The following TRA2A variants were observed in gnomAD, a reference collection of about 807,000 sequenced individuals.
TRA2A encodes transformer 2 alpha homolog.
A neutral mutation model predicts 45.7 loss-of-function variants in TRA2A; 31 were observed. The ratio of observed to expected loss-of-function variants is 0.68; its 90% CI spans 0.51 to 0.92. The LOEUF is 0.92. TRA2A is among the 40% of genes least tolerant of loss of function. The pLI, the probability that TRA2A is intolerant of heterozygous loss-of-function variation, is 0.00. For missense variants in TRA2A, 304 were observed against 367.5 expected, an observed-to-expected ratio of 0.83 and a Z score of 1.41; for synonymous variants, 132 against 126.2, an observed-to-expected ratio of 1.05 and a Z score of -0.31.
At chr7:23,519,534 C>A (rs1005865271) in intron 2 of TRA2A, among the ~76,000 whole-genome samples, 4 of 152,014 alleles carry the variant, frequency 2.6e-5, no homozygotes, top group African/African-American at 9.7e-5. Context: ...CCAGCCTGGG[C>A]AAGAGAGCAA....
chr7:23,526,690 C>T (rs115585736), intron 1 of TRA2A, among the ~76,000 whole-genome samples: 277 of 152,152 alleles, frequency 1.8e-3, no homozygotes, highest in Middle Eastern at 6.8e-3. Flanking sequence ...CTTCTTAAAC[C>T]GTAACTGCTA....
intron 4 of TRA2A, among the ~76,000 whole-genome samples, chr7:23,510,133 A>C (rs1198681334): frequency 1.3e-5 from 2 of 152,210 alleles, no homozygotes; most frequent in African/African-American, 4.8e-5. Context: ...TCAGCCATAC[A>C]GAAGAAACCA....
Position 23,516,434 on chromosome 7 carries a change from G to A in TRA2A, c.265C>T (p.Pro89Ser), listed in dbSNP as rs1789873956. The stretch of plus-strand genomic sequence containing the variant: ...CGGCTCCTTCGCCGCCGGTATTCTG[G>A]TGTATATGATCTACTTCGAGATCGT... ...RRRSRSRSYT[P>S]EYRRRRSRSH... Residue 89 changes from proline to serine, a missense_variant, in exon 3 of 8, where the codon CCA becomes TCA. By Grantham distance (74) the Pro-to-Ser change is moderately conservative. Coordinates refer to ENST00000297071, the MANE Select transcript of TRA2A (RefSeq NM_013293.5). 4 of 1,614,246 alleles carry A rather than the reference G, an allele frequency of 2.5e-6. No individual in the cohort carries two copies. The highest frequency in any genetic ancestry group is 1.3e-5 in the African/African-American group (1 of 75,078).
At chr7:23,506,988 C>A (rs906439116) in intron 5 of TRA2A, among the ~76,000 whole-genome samples, 3 of 152,112 alleles carry the variant, frequency 2.0e-5, no homozygotes, top group African/African-American at 7.2e-5. Flanking sequence ...TGGTCCCGAT[C>A]TCGTGATCTC....
intron 1 of TRA2A, 94 bp downstream of exon 1, chr7:23,531,695 G>A: frequency 1.4e-6 from 2 of 1,413,734 alleles, no homozygotes; most frequent in East Asian, 2.3e-5. Context: ...TGCTCCTCGC[G>A]GGACTACCCG....
intron 4 of TRA2A, among the ~76,000 whole-genome samples, chr7:23,511,951 C>A (rs1789640676): frequency 6.6e-6 from 1 of 152,116 alleles, no homozygotes; most frequent in South Asian, 2.1e-4. Flanking sequence ...CAAAATTAAA[C>A]ATATCAAACC....
chr7:23,517,608 GACAAA>G (rs1554347152), intron 2 of TRA2A, among the ~76,000 whole-genome samples: 3 of 139,800 alleles, frequency 2.1e-5, no homozygotes, highest in South Asian at 2.3e-4. Context: ...CAGAAACAAA[GACAAA>G]ACAAAACAAA....
rs775527919 is a variant in TRA2A at position 23,531,876 on chromosome 7, G to A, written c.-52C>T. The A allele has an allele frequency of 6.2e-7, 1 of 1,600,746 alleles. No individual in the cohort carries two copies. The highest frequency in any genetic ancestry group is 1.1e-5 in the South Asian group (1 of 90,840). ...ATAAGAGACAAGTCTCGGCTCGAGG[G>A]CCGATGGCCTAATTAACCCGCTGAC... On this transcript the variant is annotated 5_prime_UTR_variant, in exon 1 of 8. Transcript: ENST00000297071.
chr7:23,529,246 C>T (rs1218814472), intron 1 of TRA2A, among the ~76,000 whole-genome samples: 1 of 152,172 alleles, frequency 6.6e-6, no homozygotes, highest in East Asian at 1.9e-4. Flanking sequence ...CTCCAAAGGA[C>T]ATCTCCACTT....
intron 7 of TRA2A, 76 bp downstream of exon 7, chr7:23,505,670 T>G: frequency 1.1e-6 from 1 of 950,822 alleles, no homozygotes; most frequent in East Asian, 2.5e-5. Context: ...ACCTTCCACC[T>G]TATACTCTAA....
intron 4 of TRA2A, among the ~76,000 whole-genome samples, chr7:23,510,721 T>C (rs1382380608): frequency 6.6e-6 from 1 of 152,150 alleles, no homozygotes; most frequent in African/African-American, 2.4e-5. Context: ...ATAAAAAAAT[T>C]ACACTGTTCT....
At chr7:23,517,982 A>C (rs928717708) in intron 2 of TRA2A, among the ~76,000 whole-genome samples, 3 of 148,250 alleles carry the variant, frequency 2.0e-5, no homozygotes, top group Non-Finnish European at 4.5e-5. Flanking sequence ...TTTGTCGCCC[A>C]GGCTGGAGTG....
At position 23,505,520 on chromosome 7, in the gene TRA2A, A is replaced by AT; in HGVS notation, c.*38_*39insA. ...AGAATTAAAAAAAAAAAAAAAAAAA[A>AT]GAGGAAAAAAAATGTCCTTAATTGC... On this transcript the variant is annotated 3_prime_UTR_variant, in exon 8 of 8. Transcript: ENST00000297071. 2.0e-6 allele frequency: 1 copy of AT among 507,034 alleles called. No individual in the cohort carries two copies. The allele number at this position is 507,034 out of a possible 1,614,324, so 31.4% of individuals were successfully genotyped here.
intron 2 of TRA2A, among the ~76,000 whole-genome samples, chr7:23,519,954 G>A (rs1292931366): frequency 6.6e-6 from 1 of 152,178 alleles, no homozygotes; most frequent in East Asian, 1.9e-4. Context: ...CCAGCTGGGC[G>A]CAGTGGCTCA....
At position 23,505,471 on chromosome 7, in the gene TRA2A, G is replaced by C. The variant is rs78380988; in HGVS notation, c.*88C>G. ...AAGTTTTTTTCTTAAGGAGTAGGAA[G>C]AATCCACAGCTTGGGGAAATCTCAG... On this transcript the variant is annotated 3_prime_UTR_variant, in exon 8 of 8. Transcript: ENST00000297071. 12,205 of 406,714 alleles carry C rather than the reference G, an allele frequency of 0.03. 204 individuals are homozygous for C. The highest frequency in any genetic ancestry group is 0.037 in the Non-Finnish European group (8,723 of 233,250). 25.2% of individuals were successfully genotyped at this position (406,714 alleles called of 1,614,324 possible).
At position 23,520,078 on chromosome 7, in the gene TRA2A, A is replaced by G. The variant is rs150713241; in HGVS notation, c.170+1629T>C. Among the ~76,000 whole-genome samples the G allele has an allele frequency of 6.9e-3, 1,044 of 152,158 alleles. 34 individuals carry two copies. The highest frequency in any genetic ancestry group is 0.061 in the Admixed American group (939 of 15,272). ...CTCGTTTCTACTAAAAATACAAAAA[A>G]TTAGCCAGGTGCCTGTGATCCCAGC... On this transcript the variant is annotated intron_variant, in intron 2 of 7. Transcript: ENST00000297071.
At chr7:23,516,319 T>C (rs752670487) in intron 3 of TRA2A, 44 bp downstream of exon 3, 2 of 1,607,008 alleles carry the variant, frequency 1.2e-6, no homozygotes, top group Non-Finnish European at 1.7e-6. Context: ...ACTAAACACA[T>C]AAAAGAGAAA....
At chr7:23,530,837 T>C (rs1217270998) in intron 1 of TRA2A, among the ~76,000 whole-genome samples, 2 of 152,182 alleles carry the variant, frequency 1.3e-5, no homozygotes, top group African/African-American at 4.8e-5. Flanking sequence ...CAGAACAGTA[T>C]ATACTGACTA....
rs1440297796 is a variant in TRA2A, at chr7:23,516,358, C to T, written c.336+5G>A. On this transcript the variant is annotated splice_donor_5th_base_variant and intron_variant, in intron 3 of 7. Transcript: ENST00000297071. Reference sequence around the variant, plus strand: ...AGTCTTCATTAACTTTTATAAACCACGTACCCTGCTGCCAGTATGTCTTCT... The same window carrying T: ...AGTCTTCATTAACTTTTATAAACCATGTACCCTGCTGCCAGTATGTCTTCT... The T allele has an allele frequency of 6.8e-6, 11 of 1,613,970 alleles. No individual in the cohort carries two copies. Among genetic ancestry groups the T allele is most frequent in the East Asian group, 4.5e-5 (2 of 44,892 alleles).
Sources: gnomAD v4.1 joint callset for allele counts (sites outside exome capture counted in the v4.1 genomes callset) on GRCh38, gnomAD v4.1.1 for gene constraint, MANE v1.5 for transcripts, NCBI Gene and HGNC (gene_info 2026-07-23, HGNC 2026-07-21) for gene names.